The following CSMD1 variants were observed in gnomAD, a reference collection of about 807,000 sequenced individuals.
The protein encoded by CSMD1 is CUB and sushi domain-containing protein 1.
In CSMD1, 213 loss-of-function variants were observed where a neutral mutation model predicts 417.5. The ratio of observed to expected loss-of-function variants is 0.51; its 90% confidence interval spans 0.46 to 0.57. The LOEUF is 0.57. Among genes scored for constraint, CSMD1 ranks in the 20% least tolerant of loss-of-function variants. CSMD1 has a pLI of 0.00. For synonymous variants in CSMD1, 2,862 were observed against 1,736.8 expected, an observed-to-expected ratio of 1.65 and a Z score of -16.11; for missense variants, 6,923 against 4,529.7, an observed-to-expected ratio of 1.53 and a Z score of -15.17.
chr8:3,691,231 G>C (rs745525381), intron 7 of CSMD1, among the ~76,000 whole-genome samples: 1 of 152,124 alleles, frequency 6.6e-6, no homozygotes, highest in Non-Finnish European at 1.5e-5. Context: ...AGCCGGGCAC[G>C]GTAACAGGCA....
chr8:3,961,410 C>A (rs1812310411), intron 5 of CSMD1, among the ~76,000 whole-genome samples: 2 of 152,182 alleles, frequency 1.3e-5, no homozygotes, highest in South Asian at 4.1e-4. Context: ...AGTTTATTTT[C>A]CCCAAGTGCC....
chr8:3,712,687 C>T (rs1404494553), intron 6 of CSMD1, among the ~76,000 whole-genome samples: 1 of 152,146 alleles, frequency 6.6e-6, no homozygotes, highest in East Asian at 1.9e-4. Flanking sequence ...GTCCAGTTAT[C>T]TAGTTTTCAT....
At position 4,344,403 on chromosome 8, in the gene CSMD1, C is replaced by A. The variant is rs181543364; in HGVS notation, c.415+75550G>T. On this transcript the variant is annotated intron_variant, in intron 3 of 69. Coordinates refer to ENST00000635120, the MANE Select transcript of CSMD1 (RefSeq NM_033225.6). ...CTCAAGCTCAGAGAGTACCTACTAT[C>A]TTCTGTTGAGCAAAGGCAGGAATAT... 1.6e-3 allele frequency among the ~76,000 whole-genome samples: 239 copies of A among 152,194 alleles called. 2 individuals carry two copies. Among genetic ancestry groups the A allele is most frequent in the Middle Eastern group, 3.4e-3 (1 of 294 alleles).
At chr8:3,815,771 C>A (rs535814199) in intron 5 of CSMD1, among the ~76,000 whole-genome samples, 3 of 152,082 alleles carry the variant, frequency 2.0e-5, no homozygotes, top group Non-Finnish European at 4.4e-5. Flanking sequence ...CCACATTGTT[C>A]ATTTGATCTA....
intron 5 of CSMD1, among the ~76,000 whole-genome samples, chr8:3,761,453 G>A (rs1447645335): frequency 3.4e-5 from 5 of 148,270 alleles, no homozygotes; most frequent in South Asian, 4.3e-4. Context: ...ATTTAAAACT[G>A]TACCACAGAA....
chr8:4,687,371 T>A (rs1020778020), intron 1 of CSMD1, among the ~76,000 whole-genome samples: 7 of 152,130 alleles, frequency 4.6e-5, no homozygotes, highest in African/African-American at 1.7e-4. Flanking sequence ...TTAAGTAACG[T>A]GATATAGCTT....
chr8:3,310,132 A>G (rs539650860), intron 23 of CSMD1, among the ~76,000 whole-genome samples: 1 of 152,236 alleles, frequency 6.6e-6, no homozygotes, highest in African/African-American at 2.4e-5. Context: ...GGATGGTTTC[A>G]ATCAATCACC....
intron 10 of CSMD1, among the ~76,000 whole-genome samples, chr8:3,558,277 T>C (rs190081734): frequency 6.7e-6 from 1 of 150,356 alleles, no homozygotes; most frequent in Admixed American, 6.6e-5. Context: ...CCTCCAGTGA[T>C]GAATGGTGCC....
chr8:4,968,287 G>C (rs4875419), intron 1 of CSMD1, among the ~76,000 whole-genome samples: 1 of 151,798 alleles, frequency 6.6e-6, no homozygotes, highest in East Asian at 1.9e-4. Context: ...AATTTCACCA[G>C]TTATAAGTGT....
chr8:4,092,381 C>G (rs990214238), intron 3 of CSMD1, among the ~76,000 whole-genome samples: 2 of 152,136 alleles, frequency 1.3e-5, no homozygotes, highest in African/African-American at 4.8e-5. Flanking sequence ...GGCTGCTGTG[C>G]TCTCCACCGT....
chr8:4,726,051 C>T (rs1320672138), intron 1 of CSMD1, among the ~76,000 whole-genome samples: 1 of 152,120 alleles, frequency 6.6e-6, no homozygotes, highest in East Asian at 1.9e-4. Context: ...GAGTTCACAT[C>T]GTGGACAGTT....
At chr8:4,718,548 G>T (rs1285983151) in intron 1 of CSMD1, among the ~76,000 whole-genome samples, 4 of 151,578 alleles carry the variant, frequency 2.6e-5, no homozygotes, top group Non-Finnish European at 5.9e-5. Flanking sequence ...AAGGGAATTT[G>T]AAAAAAGAAA....
rs149236620 is a variant in CSMD1 at position 3,461,877 on chromosome 8, G to C, written c.1561+6835C>G. 7.2e-3 allele frequency among the ~76,000 whole-genome samples: 1,100 copies of C among 152,292 alleles called. 14 individuals are homozygous for C. The highest frequency in any genetic ancestry group is 0.025 in the African/African-American group (1,041 of 41,562). ...GAGACCGAGGCCCTGTGAGGACTTG[G>C]GTCAGCATCGCCCTGCTGCAGAAGC... On this transcript the variant is annotated intron_variant, in intron 12 of 69. Coordinates refer to ENST00000635120, the MANE Select transcript of CSMD1 (RefSeq NM_033225.6).
intron 3 of CSMD1, among the ~76,000 whole-genome samples, chr8:4,417,876 G>C (rs1563152336): frequency 6.6e-6 from 1 of 151,796 alleles, no homozygotes; most frequent in African/African-American, 2.4e-5. Context: ...CATTTCCTTG[G>C]AAAGTAATAG....
At chr8:4,430,636 T>A (rs1303608472) in intron 2 of CSMD1, among the ~76,000 whole-genome samples, 2 of 152,146 alleles carry the variant, frequency 1.3e-5, no homozygotes, top group Non-Finnish European at 2.9e-5. Context: ...CTCTTTTTTT[T>A]AATCAATGCA....
chr8:4,746,717 C>T (rs1367543383), intron 1 of CSMD1, among the ~76,000 whole-genome samples: 1 of 152,122 alleles, frequency 6.6e-6, no homozygotes, highest in Non-Finnish European at 1.5e-5. Flanking sequence ...GGGGCTAATC[C>T]ACAATCCACC....
intron 3 of CSMD1, among the ~76,000 whole-genome samples, chr8:4,173,673 T>A (rs1197847272): frequency 6.6e-6 from 1 of 152,128 alleles, no homozygotes; most frequent in Non-Finnish European, 1.5e-5. Context: ...CTGTGATAAC[T>A]GTAGTAGGAA....
At chr8:3,773,859 G>C (rs557719857) in intron 5 of CSMD1, among the ~76,000 whole-genome samples, 75 of 152,048 alleles carry the variant, frequency 4.9e-4, no homozygotes, top group African/African-American at 1.0e-3. Context: ...TATTTATTTT[G>C]ATCATTACTA....
intron 52 of CSMD1, among the ~76,000 whole-genome samples, chr8:3,002,530 G>T (rs1024847793): frequency 2.0e-5 from 3 of 152,238 alleles, no homozygotes; most frequent in African/African-American, 4.8e-5. Context: ...ACCACTCCAA[G>T]AGGAGGGGAT....
Sources: gnomAD v4.1 joint callset for allele counts (sites outside exome capture counted in the v4.1 genomes callset) on GRCh38, gnomAD v4.1.1 for gene constraint, MANE v1.5 for transcripts, NCBI Gene and HGNC (gene_info 2026-07-23, HGNC 2026-07-21) for gene names.